The following ME1 variants were observed in gnomAD, a reference collection of about 807,000 sequenced individuals.
The protein encoded by ME1 is malic enzyme 1.
A neutral mutation model predicts 66.4 loss-of-function variants in ME1; 74 were observed. The observed-to-expected ratio is 1.11, with a 90% confidence interval of 0.92 to 1.35. The LOEUF is 1.35. Among genes scored for constraint, ME1 ranks in the 40% most tolerant of loss-of-function variants. The pLI, the probability that ME1 is intolerant of heterozygous loss-of-function variation, is 0.00. For missense variants in ME1, 750 were observed against 694.1 expected (o/e 1.08, Z -0.90); for synonymous variants, 251 against 235.6 (o/e 1.07, Z -0.60).
intron 12 of ME1, among the ~76,000 whole-genome samples, chr6:83,219,698 C>G: frequency 6.6e-6 from 1 of 151,690 alleles, no homozygotes; most frequent in East Asian, 1.9e-4. Flanking sequence ...CTCAGACTCC[C>G]GAGTAGCTGA....
At chr6:83,419,427 CATT>C (rs1770223785) in intron 1 of ME1, among the ~76,000 whole-genome samples, 1 of 152,154 alleles carries the variant, frequency 6.6e-6, no homozygotes, top group Admixed American at 6.5e-5. Context: ...TTCTTTATAA[CATT>C]ATCTCCTATC....
intron 5 of ME1, among the ~76,000 whole-genome samples, chr6:83,341,069 G>A (rs184303916): frequency 6.6e-6 from 1 of 152,080 alleles, no homozygotes; most frequent in Non-Finnish European, 1.5e-5. Context: ...TGTGATCTGG[G>A]GTAGGGCATC....
chr6:83,394,590 C>T (rs1769693418), intron 3 of ME1, among the ~76,000 whole-genome samples: 1 of 152,174 alleles, frequency 6.6e-6, no homozygotes, highest in East Asian at 1.9e-4. Context: ...TATATCAATA[C>T]AGCTACATGG....
At chr6:83,313,315 T>C (rs953861520) in intron 6 of ME1, among the ~76,000 whole-genome samples, 1 of 152,194 alleles carries the variant, frequency 6.6e-6, no homozygotes, top group African/African-American at 2.4e-5. Flanking sequence ...ATAGGTGCTA[T>C]CTACATTTAA....
rs563772522 is a variant in ME1, at chr6:83,328,876, A to G, written c.601-13463T>C. 3.9e-5 allele frequency among the ~76,000 whole-genome samples: 6 copies of G among 152,268 alleles called. No homozygotes were observed. In the South Asian group the frequency reaches 1.2e-3, roughly 32 times the overall value. Reference sequence around the variant, plus strand: ...GAGAAAAGGAAAAAGACTGGGGCAAAAGTAAGGAATAAGACATATGGAAAT... The same window carrying G: ...GAGAAAAGGAAAAAGACTGGGGCAAGAGTAAGGAATAAGACATATGGAAAT... On this transcript the variant is annotated intron_variant, in intron 5 of 13. Coordinates refer to ENST00000369705, the MANE Select transcript of ME1 (RefSeq NM_002395.6).
intron 12 of ME1, among the ~76,000 whole-genome samples, chr6:83,219,080 A>G (rs2128522822): frequency 1.3e-5 from 2 of 152,354 alleles, no homozygotes; most frequent in Middle Eastern, 6.8e-3. Context: ...CCGAAATGGC[A>G]CTAAGAGAAA....
chr6:83,394,395 G>A, intron 3 of ME1, among the ~76,000 whole-genome samples: 1 of 152,028 alleles, frequency 6.6e-6, no homozygotes. Context: ...TTATATGAAT[G>A]TATTAAATTA....
chr6:83,419,686 A>G (rs1308130649), intron 1 of ME1, among the ~76,000 whole-genome samples: 1 of 152,212 alleles, frequency 6.6e-6, no homozygotes, highest in African/African-American at 2.4e-5. Flanking sequence ...TTAAAATATT[A>G]AGAACCATTC....
intron 3 of ME1, among the ~76,000 whole-genome samples, chr6:83,357,693 C>T (rs1211230497): frequency 6.6e-6 from 1 of 151,582 alleles, no homozygotes; most frequent in Non-Finnish European, 1.5e-5. Flanking sequence ...AGTGTGGCTA[C>T]AATATAAGCA....
chr6:83,430,793 AGGCCATGGTGCGG>A, intron 1 of ME1, 71 bp downstream of exon 1: 1 of 1,222,956 alleles, frequency 8.2e-7, no homozygotes, highest in Non-Finnish European at 1.2e-6. Flanking sequence ...CGGAGGGGCG[AGGCCATGGTGCGG>A]GGACCTGCAA....
At chr6:83,227,888 T>G (rs1318852367) in intron 10 of ME1, among the ~76,000 whole-genome samples, 1 of 152,222 alleles carries the variant, frequency 6.6e-6, no homozygotes, top group Non-Finnish European at 1.5e-5. Context: ...CTGATTCATC[T>G]GCAAAAGTAA....
At chr6:83,241,212 G>A (rs978595836) in intron 7 of ME1, among the ~76,000 whole-genome samples, 4 of 152,138 alleles carry the variant, frequency 2.6e-5, no homozygotes, top group African/African-American at 9.7e-5. Flanking sequence ...TTCAGAAATA[G>A]TAGCTCAAGC....
At chr6:83,317,883 A>G (rs896107461) in intron 5 of ME1, among the ~76,000 whole-genome samples, 2 of 152,182 alleles carry the variant, frequency 1.3e-5, no homozygotes, top group Admixed American at 6.5e-5. Context: ...GAGGCATCAC[A>G]CTACCTGACT....
chr6:83,279,846 G>A (rs1237703755), intron 6 of ME1, among the ~76,000 whole-genome samples: 1 of 152,118 alleles, frequency 6.6e-6, no homozygotes, highest in Non-Finnish European at 1.5e-5. Context: ...GTTAAGTGTA[G>A]AAAATTAAAG....
chr6:83,313,343 G>A (rs1767965484), intron 6 of ME1, among the ~76,000 whole-genome samples: 1 of 151,826 alleles, frequency 6.6e-6, no homozygotes, highest in Admixed American at 6.6e-5. Context: ...GTTTACACTT[G>A]TCAATCCCTG....
intron 12 of ME1, among the ~76,000 whole-genome samples, chr6:83,218,939 T>C (rs1790039679): frequency 6.6e-6 from 1 of 152,220 alleles, no homozygotes; most frequent in African/African-American, 2.4e-5. Flanking sequence ...ATATAACATT[T>C]TGAACTGCAC....
intron 6 of ME1, among the ~76,000 whole-genome samples, chr6:83,311,916 A>C (rs1181518600): frequency 1.3e-5 from 2 of 152,100 alleles, no homozygotes; most frequent in Admixed American, 6.6e-5. Flanking sequence ...CAAAGCTACT[A>C]CTCAATATTT....
At chr6:83,342,013 T>G (rs751283582) in intron 5 of ME1, among the ~76,000 whole-genome samples, 2 of 152,138 alleles carry the variant, frequency 1.3e-5, no homozygotes, top group Non-Finnish European at 2.9e-5. Flanking sequence ...GTAACTCCAC[T>G]TTAGCCTCAG....
chr6:83,374,257 G>T (rs1381663566), intron 3 of ME1, among the ~76,000 whole-genome samples: 2 of 152,102 alleles, frequency 1.3e-5, no homozygotes, highest in African/African-American at 4.8e-5. Flanking sequence ...AGCCTCACCA[G>T]CATCTCTTGT....
Sources: gnomAD v4.1 joint callset for allele counts (sites outside exome capture counted in the v4.1 genomes callset) on GRCh38, gnomAD v4.1.1 for gene constraint, MANE v1.5 for transcripts, NCBI Gene and HGNC (gene_info 2026-07-23, HGNC 2026-07-21) for gene names.